GRXCR1: variants seen among roughly 807,000 people sequenced by gnomAD.
GRXCR1 encodes the protein glutaredoxin domain-containing cysteine-rich protein 1.
GRXCR1 carries 27 observed loss-of-function variants against 27.3 expected under a neutral mutation model. The observed-to-expected ratio is 0.99, with a 90% CI of 0.73 to 1.37. The LOEUF is 1.37. GRXCR1 is among the 40% of genes most tolerant of loss of function. GRXCR1 has a pLI of 0.00. For synonymous variants in GRXCR1, 122 were observed against 131.1 expected (o/e 0.93, Z 0.47); for missense variants, 379 against 354.4 (o/e 1.07, Z -0.56).
intron 1 of GRXCR1, among the ~76,000 whole-genome samples, chr4:42,903,999 C>T (rs922912786): frequency 6.6e-6 from 1 of 152,136 alleles, no homozygotes; most frequent in African/African-American, 2.4e-5. Flanking sequence ...CATAATTCGC[C>T]TTGATGTTTC....
At chr4:42,981,793 G>T (rs1748676132) in intron 2 of GRXCR1, among the ~76,000 whole-genome samples, 1 of 152,092 alleles carries the variant, frequency 6.6e-6, no homozygotes, top group African/African-American at 2.4e-5. Context: ...TAGGAAATCT[G>T]CTGCTAGCCA....
chr4:42,977,802 T>A (rs759920523), intron 2 of GRXCR1, among the ~76,000 whole-genome samples: 1 of 152,068 alleles, frequency 6.6e-6, no homozygotes, highest in Non-Finnish European at 1.5e-5. Context: ...AGATGTTTAT[T>A]AATTCAATGT....
intron 2 of GRXCR1, among the ~76,000 whole-genome samples, chr4:43,001,653 C>G (rs28627436): frequency 4.6e-5 from 7 of 152,208 alleles, no homozygotes; most frequent in South Asian, 4.2e-4. Context: ...GGCCCTGCCC[C>G]TCCACACCTG....
chr4:43,002,835 C>T (rs1397198814), intron 2 of GRXCR1, among the ~76,000 whole-genome samples: 1 of 152,106 alleles, frequency 6.6e-6, no homozygotes, highest in Non-Finnish European at 1.5e-5. Context: ...GTAGACAGGA[C>T]CTGTATTGAA....
intron 1 of GRXCR1, among the ~76,000 whole-genome samples, chr4:42,903,766 G>A (rs1261948858): frequency 2.3e-5 from 3 of 128,216 alleles, no homozygotes; most frequent in Non-Finnish European, 5.0e-5. Context: ...TTTTTTCAGG[G>A]AATATTTTTT....
chr4:43,012,439 T>G (rs1157196312), intron 2 of GRXCR1, among the ~76,000 whole-genome samples: 1 of 152,198 alleles, frequency 6.6e-6, no homozygotes, highest in Non-Finnish European at 1.5e-5. Flanking sequence ...TATGACATTA[T>G]CCAAAGACAA....
chr4:42,988,718 A>C (rs1425341063), intron 2 of GRXCR1, among the ~76,000 whole-genome samples: 1 of 152,200 alleles, frequency 6.6e-6, no homozygotes, highest in African/African-American at 2.4e-5. Flanking sequence ...TCCCTTTGGA[A>C]AATTTTGTAG....
intron 2 of GRXCR1, among the ~76,000 whole-genome samples, chr4:43,002,689 C>G (rs888541181): frequency 1.4e-5 from 2 of 146,914 alleles, no homozygotes; most frequent in African/African-American, 5.1e-5. Context: ...TCCCTGAATA[C>G]TGGGCTACAT....
chr4:42,899,777 A>G lies in GRXCR1; in HGVS notation c.384+6127A>G, dbSNP rs543853903. Among the ~76,000 whole-genome samples, 8 of 152,312 alleles carry G rather than the reference A, an allele frequency of 5.3e-5. No homozygotes were observed. The Middle Eastern group carries it at 0.014, about 259-fold the overall frequency. ...TCTAAAGTTAGTTCAATTAATATCT[A>G]AGTTGGAAAATCACATTTTTTCCTG... On this transcript the variant is annotated intron_variant, in intron 1 of 3. Transcript: ENST00000399770.
intron 2 of GRXCR1, among the ~76,000 whole-genome samples, chr4:42,969,923 G>A (rs900066037): frequency 2.0e-5 from 3 of 152,066 alleles, no homozygotes; most frequent in African/African-American, 4.8e-5. Context: ...CTATGAGCCT[G>A]TAAAATCAAA....
chr4:42,913,806 G>A (rs1000119080), intron 1 of GRXCR1, among the ~76,000 whole-genome samples: 1 of 152,092 alleles, frequency 6.6e-6, no homozygotes, highest in Non-Finnish European at 1.5e-5. Context: ...CAGGGCCCCC[G>A]CTTCTCTATA....
chr4:43,005,466 C>T (rs764006336), intron 2 of GRXCR1, among the ~76,000 whole-genome samples: 1 of 152,096 alleles, frequency 6.6e-6, no homozygotes, highest in African/African-American at 2.4e-5. Context: ...TTTTTGTGGA[C>T]TCCTGTAAAT....
intron 1 of GRXCR1, among the ~76,000 whole-genome samples, chr4:42,933,739 C>G (rs1041638253): frequency 6.6e-6 from 1 of 151,934 alleles, no homozygotes; most frequent in Non-Finnish European, 1.5e-5. Flanking sequence ...ACCTCTGAAC[C>G]AGGAAATGGG....
At position 42,943,337 on chromosome 4, in the gene GRXCR1, T is replaced by A. The variant is rs150080921; in HGVS notation, c.385-19555T>A. On this transcript the variant is annotated intron_variant, in intron 1 of 3. Transcript: ENST00000399770. ...CTGAAAGTGAAGCCTTGAAGTTAAG[T>A]TCTCTGTGCCCACCCAGCTAGTTTA... is the stretch of plus-strand genomic sequence containing the variant. 3.9e-5 allele frequency among the ~76,000 whole-genome samples: 6 copies of A among 152,222 alleles called. No homozygotes were observed. The East Asian group carries it at 5.8e-4, about 15-fold the overall frequency.
intron 2 of GRXCR1, among the ~76,000 whole-genome samples, chr4:43,016,542 A>C (rs1186209582): frequency 6.6e-6 from 1 of 152,156 alleles, no homozygotes; most frequent in Non-Finnish European, 1.5e-5. Flanking sequence ...CAACAATTAT[A>C]AATAAGTTTA....
At chr4:42,940,932 T>G (rs1747603942) in intron 1 of GRXCR1, among the ~76,000 whole-genome samples, 1 of 152,084 alleles carries the variant, frequency 6.6e-6, no homozygotes, top group Non-Finnish European at 1.5e-5. Context: ...TATTCTTCAT[T>G]AAGTCTCTTA....
chr4:42,912,418 A>G (rs535443881), intron 1 of GRXCR1, among the ~76,000 whole-genome samples: 2 of 152,216 alleles, frequency 1.3e-5, no homozygotes, highest in Non-Finnish European at 2.9e-5. Context: ...GGAAATGTTC[A>G]AAGAAGTATG....
At chr4:43,015,207 G>C (rs1712894483) in intron 2 of GRXCR1, among the ~76,000 whole-genome samples, 1 of 152,096 alleles carries the variant, frequency 6.6e-6, no homozygotes, top group African/African-American at 2.4e-5. Context: ...TAAGAATATT[G>C]GTGCAATCAA....
intron 2 of GRXCR1, among the ~76,000 whole-genome samples, chr4:42,978,003 T>C (rs1748563916): frequency 6.6e-6 from 1 of 152,062 alleles, no homozygotes; most frequent in African/African-American, 2.4e-5. Context: ...AAGGGTTTAA[T>C]TTTATTCAAC....
Sources: allele counts gnomAD v4.1 joint callset (sites outside exome capture counted in the v4.1 genomes callset), GRCh38; gene constraint gnomAD v4.1.1; transcripts MANE v1.5; gene names NCBI Gene and HGNC (gene_info 2026-07-23, HGNC 2026-07-21).